The following CDH18 variants were observed in gnomAD, a reference collection of about 807,000 sequenced individuals.
The protein encoded by CDH18 is cadherin 18.
A neutral mutation model predicts 67.9 loss-of-function variants in CDH18; 31 were observed. The observed-to-expected ratio is 0.46, with a 90% CI of 0.34 to 0.62. The LOEUF is 0.62. Ranked by LOEUF, CDH18 falls within the 20% of genes least tolerant of loss-of-function variation. The probability of loss-of-function intolerance (pLI) is 0.01; values close to 1 mark genes in which losing one functional copy is unlikely to be tolerated. For missense variants in CDH18, 890 were observed against 975.5 expected (o/e 0.91, Z 1.17); for synonymous variants, 362 against 347.2 (o/e 1.04, Z -0.48).
intron 1 of CDH18, among the ~76,000 whole-genome samples, chr5:20,560,496 C>CACACAA (rs1488914842): frequency 6.6e-6 from 1 of 151,330 alleles, no homozygotes. Context: ...CACACACACA[C>CACACAA]ACACACACAC....
intron 2 of CDH18, among the ~76,000 whole-genome samples, chr5:20,167,221 T>C (rs1736361793): frequency 1.3e-5 from 2 of 152,252 alleles, no homozygotes; most frequent in South Asian, 2.1e-4. Flanking sequence ...GGAGACACTG[T>C]ATTTTTGCAC....
At chr5:20,480,797 C>T (rs571613890) in intron 1 of CDH18, among the ~76,000 whole-genome samples, 1 of 152,028 alleles carries the variant, frequency 6.6e-6, no homozygotes, top group African/African-American at 2.4e-5. Flanking sequence ...AAATGGGTTA[C>T]AATATGTTAT....
chr5:20,200,202 T>C (rs1739338163), intron 2 of CDH18, among the ~76,000 whole-genome samples: 1 of 152,214 alleles, frequency 6.6e-6, no homozygotes, highest in African/African-American at 2.4e-5. Context: ...CGGTTAATGA[T>C]AAGAATAAAA....
intron 2 of CDH18, among the ~76,000 whole-genome samples, chr5:20,213,453 T>C (rs932223331): frequency 6.6e-6 from 1 of 152,130 alleles, no homozygotes; most frequent in African/African-American, 2.4e-5. Flanking sequence ...TCAGTAGGAA[T>C]GGTACTAGCT....
At chr5:19,651,997 G>A (rs1192696442) in intron 5 of CDH18, among the ~76,000 whole-genome samples, 10 of 151,962 alleles carry the variant, frequency 6.6e-5, no homozygotes, top group African/African-American at 1.2e-4. Flanking sequence ...CCAGGCTTAA[G>A]TAAATGATTA....
chr5:19,587,485 T>G (rs1744363595), intron 7 of CDH18, among the ~76,000 whole-genome samples: 1 of 151,896 alleles, frequency 6.6e-6, no homozygotes, highest in Non-Finnish European at 1.5e-5. Flanking sequence ...TAAGGAAGGG[T>G]GTCAGTTTCA....
At position 19,721,404 on chromosome 5, in the gene CDH18, G is replaced by T. The variant is rs200942294; in HGVS notation, c.586C>A (p.Arg196=). The T allele has an allele frequency of 9.9e-6, 16 of 1,610,424 alleles. No individual in the cohort carries two copies. Among genetic ancestry groups the T allele is most frequent in the Non-Finnish European group, 1.2e-5 (14 of 1,177,294 alleles). The change falls in exon 5 of 13, where the codon CGG becomes AGG. Residue 196 remains arginine (R), a synonymous_variant. Transcript: ENST00000382275. The stretch of plus-strand genomic sequence containing the variant: ...CCTTGGAGAATGCTGTAAACCACCC[G>T]AGCGCTGTTTCCATAGGTAGGGTCA... ...ADDPTYGNSA[R]VVYSILQGQP... is the part of the protein sequence containing the mutation.
At chr5:20,179,176 A>G (rs1737485944) in intron 2 of CDH18, among the ~76,000 whole-genome samples, 1 of 152,196 alleles carries the variant, frequency 6.6e-6, no homozygotes, top group Non-Finnish European at 1.5e-5. Context: ...AACATTGGCA[A>G]CAGCCTACAT....
chr5:20,449,294 T>G (rs1473866682), intron 1 of CDH18, among the ~76,000 whole-genome samples: 1 of 152,130 alleles, frequency 6.6e-6, no homozygotes, highest in Non-Finnish European at 1.5e-5. Flanking sequence ...GGGTTAACTT[T>G]TTCCTTAGAA....
intron 2 of CDH18, among the ~76,000 whole-genome samples, chr5:20,018,286 G>A (rs544206327): frequency 1.3e-5 from 2 of 152,232 alleles, no homozygotes; most frequent in South Asian, 4.1e-4. Flanking sequence ...ATTGATACAG[G>A]TAGAAGTAGA....
chr5:20,234,786 A>G (rs1021307476), intron 2 of CDH18, among the ~76,000 whole-genome samples: 4 of 152,166 alleles, frequency 2.6e-5, no homozygotes, highest in African/African-American at 9.6e-5. Flanking sequence ...TTGAAAGCCC[A>G]AAGAACAGGG....
intron 2 of CDH18, among the ~76,000 whole-genome samples, chr5:20,057,587 C>T (rs938711007): frequency 6.6e-6 from 1 of 152,124 alleles, no homozygotes; most frequent in African/African-American, 2.4e-5. Flanking sequence ...AGCTTCTCTG[C>T]TTCATCACAG....
chr5:19,789,991 T>C (rs1776194890), intron 3 of CDH18, among the ~76,000 whole-genome samples: 1 of 152,058 alleles, frequency 6.6e-6, no homozygotes, highest in African/African-American at 2.4e-5. Flanking sequence ...TTATTATTCA[T>C]TTGTACATGT....
At chr5:19,971,857 AAAG>A (rs1415569721) in intron 2 of CDH18, among the ~76,000 whole-genome samples, 25 of 93,020 alleles carry the variant, frequency 2.7e-4, no homozygotes, top group Admixed American at 3.7e-4. Flanking sequence ...TTAAAAAAAA[AAAG>A]AGAGAGAGAG....
At chr5:19,637,265 CATA>C (rs1561517395) in intron 5 of CDH18, among the ~76,000 whole-genome samples, 1 of 150,554 alleles carries the variant, frequency 6.6e-6, no homozygotes, top group East Asian at 2.0e-4. Context: ...TTGAATTATG[CATA>C]CACTGTGGAA....
At chr5:19,823,664 A>ATGGCAAGGAAGC (rs1418403852) in intron 3 of CDH18, among the ~76,000 whole-genome samples, 8 of 152,224 alleles carry the variant, frequency 5.3e-5, no homozygotes, top group Admixed American at 5.2e-4. Context: ...CTTTAGACAG[A>ATGGCAAGGAAGC]TCATTAAGGC....
chr5:19,496,811 C>CAA (rs777601146), intron 11 of CDH18, among the ~76,000 whole-genome samples: 11,750 of 74,740 alleles, frequency 0.16, 1,263 homozygotes, highest in African/African-American at 0.24. Context: ...GACTCCATCT[C>CAA]AAAAAAAAAA....
chr5:19,927,634 T>TATTTTATGA (rs1793237723), intron 2 of CDH18, among the ~76,000 whole-genome samples: 1 of 152,200 alleles, frequency 6.6e-6, no homozygotes, highest in Admixed American at 6.6e-5. Flanking sequence ...ATGATATTTT[T>TATTTTATGA]ATGAATGTTA....
intron 6 of CDH18, among the ~76,000 whole-genome samples, chr5:19,608,738 A>G (rs1479850479): frequency 6.6e-6 from 1 of 151,776 alleles, no homozygotes; most frequent in Non-Finnish European, 1.5e-5. Context: ...TTCTGGAGAA[A>G]GTTATGTTAG....
Sources: allele counts gnomAD v4.1 joint callset (sites outside exome capture counted in the v4.1 genomes callset), GRCh38; gene constraint gnomAD v4.1.1; transcripts MANE v1.5; gene names NCBI Gene and HGNC (gene_info 2026-07-23, HGNC 2026-07-21).